The following ABHD12B variants were observed in gnomAD, a reference collection of about 807,000 sequenced individuals.
The protein encoded by ABHD12B is protein ABHD12B.
Under a neutral mutation model 50.4 loss-of-function variants are expected in ABHD12B, and 42 were observed. The observed-to-expected ratio is 0.83, with a 90% CI of 0.65 to 1.08. The LOEUF (loss-of-function observed/expected upper bound fraction) is 1.08. ABHD12B is among the 50% of genes least tolerant of loss of function. The pLI, the probability that ABHD12B is intolerant of heterozygous loss-of-function variation, is 0.00. For synonymous variants in ABHD12B, 167 were observed against 160.3 expected, an observed-to-expected ratio of 1.04 and a Z score of -0.32; for missense variants, 479 against 447.7, an observed-to-expected ratio of 1.07 and a Z score of -0.63.
At chr14:50,899,010 T>C (rs1231463605) in intron 9 of ABHD12B, among the ~76,000 whole-genome samples, 2 of 151,980 alleles carry the variant, frequency 1.3e-5, no homozygotes, top group East Asian at 1.9e-4. Context: ...CTGGCCAACA[T>C]GGCGAGACCC....
At chr14:50,880,671 A>C (rs555224167) in intron 4 of ABHD12B, 100 bp downstream of exon 4, 17 of 1,276,814 alleles carry the variant, frequency 1.3e-5, no homozygotes, top group Non-Finnish European at 1.7e-5. Flanking sequence ...CTCTGTAGGC[A>C]TGCCTTCACA....
chr14:50,877,311 T>A (rs572470045), intron 1 of ABHD12B, among the ~76,000 whole-genome samples: 2 of 152,272 alleles, frequency 1.3e-5, no homozygotes, highest in Admixed American at 1.3e-4. Context: ...TAGTGCAGAA[T>A]TGTGATATAA....
chr14:50,876,449 C>T lies in ABHD12B; in HGVS notation c.105-1503C>T, dbSNP rs117266794. On this transcript the variant is annotated intron_variant, in intron 1 of 12. Transcript: ENST00000337334. Reference sequence around the variant, plus strand: ...CTTTGATGACTTTGTTATCAGAGGGCTCCTGAGAATACAGGAGCAGGAAGG... The same window carrying T: ...CTTTGATGACTTTGTTATCAGAGGGTTCCTGAGAATACAGGAGCAGGAAGG... Among the ~76,000 whole-genome samples, 40 of 152,230 alleles carry T rather than the reference C, an allele frequency of 2.6e-4. No homozygotes were observed. In the East Asian group the frequency reaches 5.6e-3, roughly 21 times the overall value.
rs1262080844 is a variant in ABHD12B, at chr14:50,891,179, T to C, written c.780+2276T>C. 3.3e-5 allele frequency: 5 copies of C among 152,344 alleles called. No homozygotes were observed. The East Asian group carries it at 7.7e-4, about 24-fold the overall frequency. The allele number at this position is 152,344 out of a possible 1,614,324, so 9.4% of individuals were successfully genotyped here. A position where few individuals can be genotyped will look rare whatever the true frequency, so the allele number is the denominator to read the frequency against. Reference sequence around the variant, plus strand: ...TGAGTCATTAGAACATTATTTTTATTGTAAATATATTGTATTATTTTGTTT... The same window carrying C: ...TGAGTCATTAGAACATTATTTTTATCGTAAATATATTGTATTATTTTGTTT... On this transcript the variant is annotated intron_variant, in intron 9 of 12. Coordinates refer to ENST00000337334, the MANE Select transcript of ABHD12B (RefSeq NM_001206673.2).
At chr14:50,886,412 C>T (rs2050038013) in intron 7 of ABHD12B, among the ~76,000 whole-genome samples, 1 of 148,780 alleles carries the variant, frequency 6.7e-6, no homozygotes, top group South Asian at 2.1e-4. Flanking sequence ...TGCACTCCAG[C>T]CTGGGTGACA....
chr14:50,886,440 CAAAAAAAAA>C (rs534954967), intron 7 of ABHD12B, among the ~76,000 whole-genome samples, 198 bp from the exon 8 acceptor site: 1 of 62,968 alleles, frequency 1.6e-5, no homozygotes, highest in African/African-American at 6.1e-5. Flanking sequence ...GCTCTGTCTC[CAAAAAAAAA>C]AAAAAAAAAG....
At chr14:50,877,498 T>C (rs1277629393) in intron 1 of ABHD12B, among the ~76,000 whole-genome samples, 1 of 152,180 alleles carries the variant, frequency 6.6e-6, no homozygotes, top group Non-Finnish European at 1.5e-5. Flanking sequence ...GTTGGGGCCC[T>C]GCCCTATTAC....
chr14:50,899,733 GCCAACATGGCGAAACA>G (rs1270652361), intron 9 of ABHD12B, among the ~76,000 whole-genome samples: 3 of 152,072 alleles, frequency 2.0e-5, no homozygotes, highest in African/African-American at 7.2e-5. Context: ...GACCAGCCTA[GCCAACATGGCGAAACA>G]CCATCTCTAC....
Position 50,904,504 on chromosome 14 carries a change from T to A in ABHD12B, c.*138T>A. 9.3e-7 allele frequency: 1 copy of A among 1,076,094 alleles called. No individual in the cohort carries two copies. The highest frequency in any genetic ancestry group is 1.4e-6 in the Non-Finnish European group (1 of 711,998). The allele number at this position is 1,076,094 out of a possible 1,614,324, so 66.7% of individuals were successfully genotyped here. On this transcript the variant is annotated 3_prime_UTR_variant, in exon 13 of 13. Transcript: ENST00000337334. ...CTTCTCTACAAATCACTTGCCATTTTAACAACAGAAAGTACGAATGTTAGG... is the reference window on the plus strand; with the variant it reads ...CTTCTCTACAAATCACTTGCCATTTAAACAACAGAAAGTACGAATGTTAGG...
chr14:50,892,705 T>A, intron 9 of ABHD12B: 1 of 656,896 alleles, frequency 1.5e-6, no homozygotes, highest in Non-Finnish European at 1.9e-6. Flanking sequence ...AGTTGTTATT[T>A]AAAAATTTCT....
Position 50,878,763 on chromosome 14 carries a change from T to A in ABHD12B, c.251T>A (p.Val84Glu). Reference sequence around the variant, plus strand: ...TTTCCAGTCAAAGCCCCATTTCTTGTGGATTTAAAGAAACCAGAGTTAAAG... The same window carrying A: ...TTTCCAGTCAAAGCCCCATTTCTTGAGGATTTAAAGAAACCAGAGTTAAAG... ...YFNFFKAPFLVDLKKPELKIP... is the reference protein window; with the variant it reads ...YFNFFKAPFLEDLKKPELKIP... The change falls in exon 3 of 13, where the codon GTG becomes GAG. Residue 84 changes from valine (V) to glutamate (E), a missense_variant. Transcript: ENST00000337334. 3.1e-6 allele frequency: 5 copies of A among 1,613,744 alleles called. No individual in the cohort carries two copies. Among genetic ancestry groups the A allele is most frequent in the Non-Finnish European group, 4.2e-6 (5 of 1,179,622 alleles).
In ABHD12B at chr14:50,885,871, T is replaced by A. The variant is rs1461642166; in HGVS notation, c.638T>A (p.Leu213His). The A allele has an allele frequency of 6.2e-7, 1 of 1,614,106 alleles. No homozygotes were observed. The highest frequency in any genetic ancestry group is 1.1e-5 in the South Asian group (1 of 91,072). Residue 213 changes from leucine to histidine, a missense_variant, in exon 7 of 13, where the codon CTC becomes CAC. Leu to His is a moderately conservative substitution (Grantham distance 99). Transcript: ENST00000337334. ...AGAAGTGGCATCACTCCCGTGTGTC[T>A]CTGGGGCCACTCTCTGGGTACAGGG... is the stretch of plus-strand genomic sequence containing the variant. ...KARSGITPVC[L>H]WGHSLGTGVA...
intron 1 of ABHD12B, among the ~76,000 whole-genome samples, chr14:50,875,573 G>A (rs1407927412): frequency 6.6e-6 from 1 of 152,188 alleles, no homozygotes; most frequent in Non-Finnish European, 1.5e-5. Flanking sequence ...AAAGCACCAA[G>A]GTGGCCGTTT....
At chr14:50,873,939 C>T (rs1030642343) in intron 1 of ABHD12B, among the ~76,000 whole-genome samples, 17 of 152,194 alleles carry the variant, frequency 1.1e-4, no homozygotes, top group Non-Finnish European at 1.2e-4. Context: ...CCTGAAAGAA[C>T]AAAATACTAG....
Position 50,888,822 on chromosome 14 carries a change from A to C in ABHD12B, c.701-2A>C, listed in dbSNP as rs768355394. The C allele has an allele frequency of 1.2e-6, 2 of 1,613,576 alleles. No individual in the cohort carries two copies. The highest frequency in any genetic ancestry group is 1.7e-6 in the Non-Finnish European group (2 of 1,179,720). On this transcript the variant is annotated splice_acceptor_variant, in intron 8 of 12. Transcript: ENST00000337334. LOFTEE classifies it high-confidence loss of function. Reference sequence around the variant, plus strand: ...TTCTTTCTTTCTTTCTTTCATTTCAAGGATGCCCAGTTGATGCTATTGTCT... The same window carrying C: ...TTCTTTCTTTCTTTCTTTCATTTCACGGATGCCCAGTTGATGCTATTGTCT...
At chr14:50,878,933 C>A in intron 3 of ABHD12B, 86 bp downstream of exon 3, 1 of 1,088,778 alleles carries the variant, frequency 9.2e-7, no homozygotes, top group Non-Finnish European at 1.4e-6. Context: ...GTTACCTGCC[C>A]ACGGAGAGGT....
intron 8 of ABHD12B, among the ~76,000 whole-genome samples, chr14:50,887,199 A>G: frequency 1.5e-5 from 1 of 68,012 alleles, no homozygotes; most frequent in Non-Finnish European, 2.9e-5. Flanking sequence ...GCGACAGAGC[A>G]AGAGTCTGTC....
chr14:50,872,196 G>T lies in ABHD12B; in HGVS notation c.22G>T (p.Ala8Ser). ...CGGGATGGACGCGCAGGACTGCCAG[G>T]CGGCCGCATCGCCCGAGCCGCCCGG... MDAQDCQ[A>S]AASPEPPGPP... The change falls in exon 1 of 13, where the codon GCG (alanine) becomes TCG (serine). Residue 8 changes from alanine to serine, a missense_variant. Transcript: ENST00000337334. The T allele has an allele frequency of 7.3e-7, 1 of 1,366,670 alleles. No individual in the cohort carries two copies. The highest frequency in any genetic ancestry group is 1.5e-5 in the African/African-American group (1 of 66,306). The allele number at this position is 1,366,670 out of a possible 1,614,324, so 84.7% of individuals were successfully genotyped here.
At chr14:50,875,260 G>T (rs1418580435) in intron 1 of ABHD12B, among the ~76,000 whole-genome samples, 2 of 152,246 alleles carry the variant, frequency 1.3e-5, no homozygotes, top group African/African-American at 2.4e-5. Flanking sequence ...CCATGGGTGT[G>T]AAGGAAGAGG....
Sources: gnomAD v4.1 joint callset for allele counts (sites outside exome capture counted in the v4.1 genomes callset) on GRCh38, gnomAD v4.1.1 for gene constraint, MANE v1.5 for transcripts, NCBI Gene and HGNC (gene_info 2026-07-23, HGNC 2026-07-21) for gene names.